APP: variants seen among roughly 807,000 people sequenced by gnomAD.
The protein encoded by APP is amyloid beta precursor protein.
In APP, 31 loss-of-function variants were observed where a neutral mutation model predicts 101.4. That is an observed-to-expected ratio of 0.31 (90% CI 0.23 to 0.41). The LOEUF (loss-of-function observed/expected upper bound fraction) is 0.41, where lower values mean the gene tolerates loss of function less well. Among genes scored for constraint, APP ranks in the 10% least tolerant of loss-of-function variants. APP has a pLI of 1.00. For synonymous variants in APP, 366 were observed against 364.4 expected, an observed-to-expected ratio of 1.00 and a Z score of -0.05; for missense variants, 839 against 1,003.7, an observed-to-expected ratio of 0.84 and a Z score of 2.22.
intron 13 of APP, among the ~76,000 whole-genome samples, chr21:25,914,103 C>T (rs921883152): frequency 2.0e-5 from 3 of 152,072 alleles, no homozygotes; most frequent in Non-Finnish European, 4.4e-5. Context: ...ATGGCAGAAC[C>T]ATTCTCCCTC....
At chr21:26,126,977 C>CA (rs34453423) in intron 1 of APP, among the ~76,000 whole-genome samples, 56,971 of 142,726 alleles carry the variant, frequency 0.4, 12,062 homozygotes, top group African/African-American at 0.59. Context: ...TCCACAGAAG[C>CA]AAAAAAAAAA....
chr21:26,037,594 C>T (rs371652660), intron 5 of APP, among the ~76,000 whole-genome samples: 1 of 152,166 alleles, frequency 6.6e-6, no homozygotes, highest in East Asian at 1.9e-4. Flanking sequence ...CATAACTAGA[C>T]GAGGCACTTA....
intron 1 of APP, among the ~76,000 whole-genome samples, chr21:26,116,134 A>G (rs62222457): frequency 0.034 from 5,218 of 152,334 alleles, 155 homozygotes; most frequent in Middle Eastern, 0.065. Flanking sequence ...ACAATGAACA[A>G]AATAACCAGC....
intron 7 of APP, among the ~76,000 whole-genome samples, chr21:25,998,339 TGAA>T (rs2146670254): frequency 6.8e-6 from 1 of 147,152 alleles, no homozygotes; most frequent in East Asian, 2.0e-4. Context: ...TGTTTGAAAC[TGAA>T]GAAGGGAGTC....
chr21:26,064,485 T>C (rs1457455273), intron 3 of APP, among the ~76,000 whole-genome samples: 1 of 152,234 alleles, frequency 6.6e-6, no homozygotes, highest in Non-Finnish European at 1.5e-5. Context: ...AAACTCCTAC[T>C]GACTGCAATG....
intron 1 of APP, among the ~76,000 whole-genome samples, chr21:26,163,111 C>A (rs893505820): frequency 6.7e-6 from 1 of 149,136 alleles, no homozygotes; most frequent in African/African-American, 2.5e-5. Context: ...CGTGGTGGCA[C>A]ATGCCTGTAA....
chr21:26,118,404 G>A (rs552888218), intron 1 of APP, among the ~76,000 whole-genome samples: 1 of 152,222 alleles, frequency 6.6e-6, no homozygotes, highest in East Asian at 1.9e-4. Flanking sequence ...CTTAAAAGGT[G>A]AATGTTTTCT....
intron 5 of APP, among the ~76,000 whole-genome samples, chr21:26,035,009 G>A (rs2045036853): frequency 6.6e-6 from 1 of 152,174 alleles, no homozygotes; most frequent in Admixed American, 6.5e-5. Context: ...ATCAGGGCCA[G>A]GCATGGTGGC....
At chr21:26,140,817 G>C (rs1046883692) in intron 1 of APP, among the ~76,000 whole-genome samples, 4 of 152,160 alleles carry the variant, frequency 2.6e-5, no homozygotes, top group African/African-American at 9.7e-5. Flanking sequence ...ATTATCTATT[G>C]AAAGAATGGC....
intron 1 of APP, among the ~76,000 whole-genome samples, chr21:26,147,422 T>C (rs1449667927): frequency 6.6e-6 from 1 of 152,210 alleles, no homozygotes; most frequent in Admixed American, 6.5e-5. Flanking sequence ...TGGTGTAACA[T>C]TTGAATGCTG....
chr21:25,972,021 G>A (rs2042049582), intron 11 of APP, among the ~76,000 whole-genome samples: 1 of 152,190 alleles, frequency 6.6e-6, no homozygotes, highest in Non-Finnish European at 1.5e-5. Flanking sequence ...AAATGATACA[G>A]GGAAATGCCA....
intron 6 of APP, among the ~76,000 whole-genome samples, chr21:26,017,739 C>T (rs2044163395): frequency 6.6e-6 from 1 of 152,168 alleles, no homozygotes; most frequent in Non-Finnish European, 1.5e-5. Context: ...ATCAAAACTA[C>T]CCTGATATCT....
chr21:26,070,141 T>TA (rs1458638451), intron 3 of APP, among the ~76,000 whole-genome samples: 3 of 152,204 alleles, frequency 2.0e-5, no homozygotes, highest in Admixed American at 6.5e-5. Flanking sequence ...AGCTCTTCAA[T>TA]AAAAATGTAT....
intron 11 of APP, among the ~76,000 whole-genome samples, chr21:25,965,880 C>T (rs1048218085): frequency 2.6e-5 from 4 of 152,044 alleles, no homozygotes; most frequent in African/African-American, 7.2e-5. Flanking sequence ...CATTAAAATA[C>T]GTAGGTTTGC....
Position 25,909,266 on chromosome 21 carries a change from CAA to C in APP, c.1909+2473_1909+2474del, listed in dbSNP as rs35504500. On this transcript the variant is annotated intron_variant, in intron 14 of 17. Coordinates refer to ENST00000346798, the MANE Select transcript of APP (RefSeq NM_000484.4). ...TGGGCGACAGAGCGAGACTCCGTCTCAAAAAAAAAAAAAAAAAAAAAAATTGC... is the reference window on the plus strand; with the variant it reads ...TGGGCGACAGAGCGAGACTCCGTCTCAAAAAAAAAAAAAAAAAAAAATTGC... Among the ~76,000 whole-genome samples the C allele has an allele frequency of 1.2e-3, 94 of 76,192 alleles. 1 individual carries two copies. The highest frequency in any genetic ancestry group is 0.012 in the East Asian group (35 of 3,016). The allele number at this position is 76,192 out of a possible 152,430, so 50.0% of individuals were successfully genotyped here.
At chr21:25,965,919 G>T (rs188000708) in intron 11 of APP, among the ~76,000 whole-genome samples, 1 of 152,090 alleles carries the variant, frequency 6.6e-6, no homozygotes, top group African/African-American at 2.4e-5. Flanking sequence ...AAAACCATAC[G>T]GTGCTATGGG....
intron 2 of APP, among the ~76,000 whole-genome samples, chr21:26,096,180 C>T (rs1162386100): frequency 6.6e-6 from 1 of 152,236 alleles, no homozygotes; most frequent in Non-Finnish European, 1.5e-5. Context: ...CCTCTGCACA[C>T]AGTGAAATAA....
chr21:25,975,269 T>C (rs770794753), intron 10 of APP, 41 bp from the exon 11 acceptor site: 2 of 1,613,354 alleles, frequency 1.2e-6, no homozygotes, highest in Non-Finnish European at 8.5e-7. Flanking sequence ...ACTGAATAAG[T>C]AGGATGAAGC....
intron 13 of APP, among the ~76,000 whole-genome samples, chr21:25,953,156 C>A (rs921786115): frequency 5.9e-5 from 9 of 152,132 alleles, no homozygotes; most frequent in African/African-American, 1.7e-4. Context: ...TGGTTTCGAA[C>A]TCCTGGCCTC....
Sources: gnomAD v4.1 joint callset for allele counts (sites outside exome capture counted in the v4.1 genomes callset) on GRCh38, gnomAD v4.1.1 for gene constraint, MANE v1.5 for transcripts, NCBI Gene and HGNC (gene_info 2026-07-23, HGNC 2026-07-21) for gene names.